MLANA: variants seen among roughly 807,000 people sequenced by gnomAD.
MLANA encodes melan-A.
In MLANA, 21 loss-of-function variants were observed where a neutral mutation model predicts 15.7. That is an observed-to-expected ratio of 1.33 (90% CI 0.95 to 1.92). MLANA has a LOEUF of 1.92. Among genes scored for constraint, MLANA ranks in the 40% most tolerant of loss-of-function variants. The pLI is 0.00. For synonymous variants in MLANA, 56 were observed against 51.5 expected, an observed-to-expected ratio of 1.09 and a Z score of -0.37; for missense variants, 164 against 143.8, an observed-to-expected ratio of 1.14 and a Z score of -0.72.
At chr9:5,905,957 T>C (rs185647717) in intron 3 of MLANA, among the ~76,000 whole-genome samples, 32 of 152,292 alleles carry the variant, frequency 2.1e-4, no homozygotes, top group Middle Eastern at 3.4e-3. Flanking sequence ...CCTTGTATCA[T>C]TGCTGTTATT....
chr9:5,892,618 C>T (rs1201417779), intron 2 of MLANA, 67 bp downstream of exon 2: 6 of 1,321,630 alleles, frequency 4.5e-6, no homozygotes, highest in Non-Finnish European at 4.3e-6. Flanking sequence ...TGCTGACTTC[C>T]ACCAGTACAT....
chr9:5,902,423 G>A (rs1832495163), intron 3 of MLANA, among the ~76,000 whole-genome samples: 1 of 151,478 alleles, frequency 6.6e-6, no homozygotes, highest in East Asian at 1.9e-4. Context: ...ATCAGCATTT[G>A]GTTTCATTGA....
intron 2 of MLANA, among the ~76,000 whole-genome samples, chr9:5,895,563 A>G (rs919255643): frequency 1.3e-5 from 2 of 152,188 alleles, no homozygotes; most frequent in African/African-American, 4.8e-5. Flanking sequence ...AGGACTACAT[A>G]CCTGCTTTGG....
At chr9:5,897,451 C>A in intron 2 of MLANA, 106 bp from the exon 3 acceptor site, 2 of 1,015,368 alleles carry the variant, frequency 2.0e-6, no homozygotes, top group Non-Finnish European at 3.1e-6. Context: ...GGAGATGCTG[C>A]TCTGGGTCGT....
At position 5,902,469 on chromosome 9, in the gene MLANA, CT is replaced by C. The variant is rs373974324; in HGVS notation, c.175-4406del. Among the ~76,000 whole-genome samples, 1,033 of 146,132 alleles carry C rather than the reference CT, an allele frequency of 7.1e-3. 12 individuals carry two copies. Among genetic ancestry groups the C allele is most frequent in the African/African-American group, 0.025 (983 of 39,958 alleles). On this transcript the variant is annotated intron_variant, in intron 3 of 4. Transcript: ENST00000381477. ...TGACTTTTTTTTCTTTCTTTCTTTC[CT>C]TTTTTTTTTCTAGAGACAGGGTCTC...
intron 4 of MLANA, among the ~76,000 whole-genome samples, chr9:5,908,125 C>T (rs533650650): frequency 1.8e-4 from 28 of 152,264 alleles, no homozygotes; most frequent in African/African-American, 6.3e-4. Flanking sequence ...CATGGGCAAG[C>T]GAGTTAACCT....
intron 2 of MLANA, among the ~76,000 whole-genome samples, chr9:5,896,435 C>T (rs889797934): frequency 3.9e-4 from 60 of 152,302 alleles, no homozygotes; most frequent in African/African-American, 1.4e-3. Context: ...ATGGTTCGCT[C>T]TATCCTGTTT....
chr9:5,898,998 C>T (rs1832233207), intron 3 of MLANA: 1 of 152,178 alleles, frequency 6.6e-6, no homozygotes, highest in Admixed American at 6.5e-5. Context: ...TACCAGTATC[C>T]TCCATGAATG....
chr9:5,904,938 T>G (rs1197675887), intron 3 of MLANA, among the ~76,000 whole-genome samples: 1 of 152,100 alleles, frequency 6.6e-6, no homozygotes, highest in Non-Finnish European at 1.5e-5. Flanking sequence ...CATGCCTGGC[T>G]AATTTTTTGT....
rs1272654291 is a variant in MLANA at position 5,906,737 on chromosome 9, G to C, written c.175-148G>C. 3 of 515,324 alleles carry C rather than the reference G, an allele frequency of 5.8e-6. No homozygotes were observed. In the African/African-American group the frequency reaches 6.0e-5, roughly 10 times the overall value. The allele number at this position is 515,324 out of a possible 1,614,324, so 31.9% of individuals were successfully genotyped here. On this transcript the variant is annotated intron_variant, in intron 3 of 4. Coordinates refer to ENST00000381477, the MANE Select transcript of MLANA (RefSeq NM_005511.2). ...CTAGATGCAAACTCAGAATTCAGAAGGTAAAGTGATGAGACTGAAGGCACA... is the reference window on the plus strand; with the variant it reads ...CTAGATGCAAACTCAGAATTCAGAACGTAAAGTGATGAGACTGAAGGCACA...
intron 2 of MLANA, among the ~76,000 whole-genome samples, chr9:5,892,831 A>C (rs963876824): frequency 1.3e-5 from 2 of 152,168 alleles, no homozygotes; most frequent in African/African-American, 4.8e-5. Flanking sequence ...TAGGTTCCCA[A>C]GTGGAAAAAC....
chr9:5,900,782 T>C (rs1027271232), intron 3 of MLANA, among the ~76,000 whole-genome samples: 1 of 152,242 alleles, frequency 6.6e-6, no homozygotes, highest in South Asian at 2.1e-4. Context: ...AAGTGGGAAA[T>C]GATTTGTAAT....
In MLANA at chr9:5,897,523, A is replaced by G. The variant is rs139856097; in HGVS notation, c.78-34A>G. 46 of 1,567,378 alleles carry G rather than the reference A, an allele frequency of 2.9e-5. No homozygotes were observed. The African/African-American group carries it at 4.5e-4, about 15-fold the overall frequency. Reference sequence around the variant, plus strand: ...CATCATAATGTAGAACAATGTTTCAATGACAAAGTGGATTTGTCTATCTCT... The same window carrying G: ...CATCATAATGTAGAACAATGTTTCAGTGACAAAGTGGATTTGTCTATCTCT... On this transcript the variant is annotated intron_variant, in intron 2 of 4. Transcript: ENST00000381477.
At chr9:5,892,663 C>A in intron 2 of MLANA, 112 bp downstream of exon 2, 1 of 776,886 alleles carries the variant, frequency 1.3e-6, no homozygotes, top group Non-Finnish European at 2.0e-6. Context: ...TTTATCTCCC[C>A]AGACAGTAAC....
Position 5,892,468 on chromosome 9 carries a change from C to G in MLANA, c.-7C>G. ...CTGTTAGGTGTCCTGTGCCCTGACC[C>G]TACAAGATGCCAAGAGAAGATGCTC... On this transcript the variant is annotated 5_prime_UTR_variant, in exon 2 of 5. Coordinates refer to ENST00000381477, the MANE Select transcript of MLANA (RefSeq NM_005511.2). 1 of 1,612,578 alleles carries G rather than the reference C, an allele frequency of 6.2e-7. No individual in the cohort carries two copies. The highest frequency in any genetic ancestry group is 8.5e-7 in the Non-Finnish European group (1 of 1,179,288).
rs890808571 is a variant in MLANA at position 5,897,562 on chromosome 9, C to T, written c.83C>T (p.Ala28Val). The change falls in exon 3 of 5, where the codon GCT becomes GTT. Residue 28 changes from alanine to valine, a missense_variant. Coordinates refer to ENST00000381477, the MANE Select transcript of MLANA (RefSeq NM_005511.2). ...TTGTCTATCTCTTGGGCCAGGGCCG[C>T]TGGGATCGGCATCCTGACAGTGATC... ...GHSYTTAEEA[A>V]GIGILTVILG... The T allele has an allele frequency of 6.2e-7, 1 of 1,614,028 alleles. No individual in the cohort carries two copies. The highest frequency in any genetic ancestry group is 2.2e-5 in the East Asian group (1 of 44,882).
At chr9:5,905,916 C>T (rs1832774349) in intron 3 of MLANA, among the ~76,000 whole-genome samples, 2 of 152,290 alleles carry the variant, frequency 1.3e-5, no homozygotes, top group African/African-American at 4.8e-5. Flanking sequence ...AAATATTTTG[C>T]AGTTTTTTTC....
chr9:5,900,913 T>A (rs1832375173), intron 3 of MLANA, among the ~76,000 whole-genome samples: 1 of 91,202 alleles, frequency 1.1e-5, no homozygotes, highest in South Asian at 3.2e-4. Context: ...TTTACACTCA[T>A]GTGTCAGGGC....
chr9:5,898,438 G>C (rs1832184981), intron 3 of MLANA, among the ~76,000 whole-genome samples: 1 of 152,166 alleles, frequency 6.6e-6, no homozygotes, highest in African/African-American at 2.4e-5. Flanking sequence ...CAGAGCCCTT[G>C]TAACTTAATC....
Sources: allele counts gnomAD v4.1 joint callset (sites outside exome capture counted in the v4.1 genomes callset), GRCh38; gene constraint gnomAD v4.1.1; transcripts MANE v1.5; gene names NCBI Gene and HGNC (gene_info 2026-07-23, HGNC 2026-07-21).